The following ADGRV1 variants were observed in gnomAD, a reference collection of about 807,000 sequenced individuals.
ADGRV1 encodes G-protein coupled receptor 98.
Under a neutral mutation model 596.2 loss-of-function variants are expected in ADGRV1, and 359 were observed. The observed-to-expected ratio is 0.60, with a 90% CI of 0.55 to 0.66. The LOEUF is 0.66. Among genes scored for constraint, ADGRV1 ranks in the 30% least tolerant of loss-of-function variants. ADGRV1 has a pLI of 0.00. For synonymous variants in ADGRV1, 2,681 were observed against 2,679.2 expected, an observed-to-expected ratio of 1.00 and a Z score of -0.02; for missense variants, 7,274 against 7,575.6, an observed-to-expected ratio of 0.96 and a Z score of 1.48.
chr5:90,656,713 A>C (rs1411431390), intron 20 of ADGRV1, among the ~76,000 whole-genome samples: 1 of 152,170 alleles, frequency 6.6e-6, no homozygotes, highest in Admixed American at 6.5e-5. Flanking sequence ...AACAGCCTCC[A>C]CTGAGGTTAT....
chr5:90,676,329 A>G lies in ADGRV1; in HGVS notation c.5443+120A>G, dbSNP rs545661074. ...TCTTACTTAAATAAATGAATAAATT[A>G]TTAGTTTTTGAAGAGAGCAGCCTGA... On this transcript the variant is annotated intron_variant, in intron 25 of 89. Transcript: ENST00000405460. 21 of 934,318 alleles carry G rather than the reference A, an allele frequency of 2.2e-5. No individual in the cohort carries two copies. The African/African-American group carries it at 3.6e-4, about 16-fold the overall frequency. The allele number at this position is 934,318 out of a possible 1,614,324, so 57.9% of individuals were successfully genotyped here. A position where few individuals can be genotyped will look rare whatever the true frequency, so the allele number is the denominator to read the frequency against.
At chr5:90,936,868 T>C (rs530421710) in intron 83 of ADGRV1, among the ~76,000 whole-genome samples, 1 of 152,164 alleles carries the variant, frequency 6.6e-6, no homozygotes, top group Non-Finnish European at 1.5e-5. Context: ...TTAATAATAT[T>C]GGATAAAAAA....
intron 50 of ADGRV1, among the ~76,000 whole-genome samples, chr5:90,738,584 CT>C (rs1179289259): frequency 2.0e-5 from 3 of 151,750 alleles, no homozygotes; most frequent in African/African-American, 7.3e-5. Context: ...GTAAAGTATT[CT>C]TGGTAGAAGT....
intron 83 of ADGRV1, among the ~76,000 whole-genome samples, chr5:90,877,983 T>C (rs536613885): frequency 6.9e-4 from 105 of 152,352 alleles, no homozygotes; most frequent in Non-Finnish European, 1.1e-3. Context: ...GAATTTGCTA[T>C]TGAATTCATA....
intron 74 of ADGRV1, among the ~76,000 whole-genome samples, chr5:90,815,076 T>C (rs1581208897): frequency 6.6e-6 from 1 of 152,134 alleles, no homozygotes; most frequent in Admixed American, 6.6e-5. Flanking sequence ...AGTTCCTTAA[T>C]ATTTCTGTTT....
At chr5:90,958,356 T>C (rs998108041) in intron 83 of ADGRV1, among the ~76,000 whole-genome samples, 3 of 148,022 alleles carry the variant, frequency 2.0e-5, no homozygotes, top group Non-Finnish European at 3.0e-5. Flanking sequence ...ATAATTTCAA[T>C]AGGGAAATAT....
intron 1 of ADGRV1, among the ~76,000 whole-genome samples, chr5:90,567,297 G>T (rs1378877012): frequency 1.3e-5 from 2 of 151,826 alleles, no homozygotes. Context: ...TCTTTGTCTG[G>T]TTTTAGTATC....
At chr5:91,022,070 C>T (rs1783679078) in intron 85 of ADGRV1, among the ~76,000 whole-genome samples, 1 of 152,034 alleles carries the variant, frequency 6.6e-6, no homozygotes, top group South Asian at 2.1e-4. Flanking sequence ...GCGCATGCAA[C>T]TTGAAAACTT....
intron 1 of ADGRV1, among the ~76,000 whole-genome samples, chr5:90,612,168 C>T (rs1762799638): frequency 6.6e-6 from 1 of 151,974 alleles, no homozygotes; most frequent in Non-Finnish European, 1.5e-5. Context: ...GCCTGGGAAA[C>T]TGTAAGAATG....
At chr5:90,758,141 G>T (rs925779539) in intron 57 of ADGRV1, among the ~76,000 whole-genome samples, 1 of 152,090 alleles carries the variant, frequency 6.6e-6, no homozygotes, top group Non-Finnish European at 1.5e-5. Flanking sequence ...GACCATCCTG[G>T]CTAACACAGT....
chr5:91,110,108 C>A (rs1001649944), intron 87 of ADGRV1, among the ~76,000 whole-genome samples: 2 of 152,206 alleles, frequency 1.3e-5, no homozygotes, highest in African/African-American at 2.4e-5. Flanking sequence ...TTTCCCGTTC[C>A]ATTAATCCAA....
At chr5:90,915,122 A>G (rs187209387) in intron 83 of ADGRV1, among the ~76,000 whole-genome samples, 55 of 152,334 alleles carry the variant, frequency 3.6e-4, no homozygotes, top group Middle Eastern at 3.4e-3. Context: ...AAAAATGTTC[A>G]GTATTATTAA....
intron 83 of ADGRV1, among the ~76,000 whole-genome samples, chr5:90,963,151 T>C (rs2150959737): frequency 6.6e-6 from 1 of 152,306 alleles, no homozygotes; most frequent in Middle Eastern, 3.4e-3. Context: ...GAATTTATTG[T>C]ATGTAAATTT....
Position 90,642,965 on chromosome 5 carries a change from C to G in ADGRV1, c.2477C>G (p.Thr826Arg). The G allele has an allele frequency of 6.2e-7, 1 of 1,613,364 alleles. No homozygotes were observed. The highest frequency in any genetic ancestry group is 8.5e-7 in the Non-Finnish European group (1 of 1,179,504). The change falls in exon 13 of 90, where the codon ACG (threonine) becomes AGG (arginine). Residue 826 changes from threonine (T) to arginine (R), a missense_variant. By Grantham distance (71) the Thr-to-Arg change is moderately conservative (BLOSUM62 -1). Coordinates refer to ENST00000405460, the MANE Select transcript of ADGRV1 (RefSeq NM_032119.4). Reference protein sequence around the residue: ...PRDSNEFYGNTGVLEFKPGER... With the variant: ...PRDSNEFYGNRGVLEFKPGER... ...GATAGCAATGAATTCTATGGAAACA[C>G]GGGAGTACTAGAATTTAAACCTGGA...
intron 87 of ADGRV1, among the ~76,000 whole-genome samples, chr5:91,121,507 C>T (rs867792009): frequency 2.0e-5 from 3 of 152,112 alleles, no homozygotes; most frequent in Non-Finnish European, 4.4e-5. Flanking sequence ...TGTCAACCCC[C>T]GGAGCTGATG....
intron 34 of ADGRV1, among the ~76,000 whole-genome samples, chr5:90,699,029 A>T (rs115822083): frequency 1.3e-5 from 2 of 152,128 alleles, no homozygotes; most frequent in Non-Finnish European, 2.9e-5. Context: ...GATGACAAAC[A>T]TAGAGGTCTT....
At chr5:90,888,107 A>G (rs1211008260) in intron 83 of ADGRV1, among the ~76,000 whole-genome samples, 3 of 152,220 alleles carry the variant, frequency 2.0e-5, no homozygotes, top group Non-Finnish European at 4.4e-5. Context: ...CTGTTCTGTT[A>G]AAATCATATA....
At chr5:91,050,716 C>T (rs532415703) in intron 85 of ADGRV1, among the ~76,000 whole-genome samples, 1 of 151,996 alleles carries the variant, frequency 6.6e-6, no homozygotes, top group African/African-American at 2.4e-5. Flanking sequence ...AAAAATTAGC[C>T]AGGCATGGTG....
Position 90,647,711 on chromosome 5 carries a change from A to T in ADGRV1, c.3236A>T (p.Asp1079Val), listed in dbSNP as rs1389450168. ...QQSISIFVNE[D>V]GIPETDEPFY... is the part of the protein sequence containing the mutation. ...AGCATATCCATATTTGTTAATGAAG[A>T]TGGTATCCCGGAAACAGATGAGCCC... The change falls in exon 17 of 90, where the codon GAT becomes GTT. Residue 1079 changes from aspartate (D) to valine (V), a missense_variant. Transcript: ENST00000405460. 59 of 1,613,758 alleles carry T rather than the reference A, an allele frequency of 3.7e-5. No individual in the cohort carries two copies. Among genetic ancestry groups the T allele is most frequent in the Non-Finnish European group, 5.0e-5 (59 of 1,179,668 alleles).
Sources: gnomAD v4.1 joint callset for allele counts (sites outside exome capture counted in the v4.1 genomes callset) on GRCh38, gnomAD v4.1.1 for gene constraint, MANE v1.5 for transcripts, NCBI Gene and HGNC (gene_info 2026-07-23, HGNC 2026-07-21) for gene names.